CA8: variants seen among roughly 807,000 people sequenced by gnomAD.
CA8 encodes carbonic anhydrase 8 (inactive).
A neutral mutation model predicts 41.4 loss-of-function variants in CA8; 22 were observed. The observed-to-expected ratio is 0.53, with a 90% confidence interval of 0.38 to 0.76. CA8 has a LOEUF of 0.76. CA8 is among the 30% of genes least tolerant of loss of function. The pLI is 0.00. For missense variants in CA8, 270 were observed against 352.8 expected, an observed-to-expected ratio of 0.77 and a Z score of 1.88; for synonymous variants, 121 against 130.6, an observed-to-expected ratio of 0.93 and a Z score of 0.50.
chr8:60,227,034 G>A (rs1807465516), intron 4 of CA8, 99 bp from the exon 5 acceptor site: 5 of 845,784 alleles, frequency 5.9e-6, no homozygotes, highest in Non-Finnish European at 1.0e-5. Context: ...GCTCATGCCT[G>A]TAACCCCAGC....
intron 8 of CA8, among the ~76,000 whole-genome samples, chr8:60,207,202 T>C (rs747217101): frequency 6.6e-6 from 1 of 152,252 alleles, no homozygotes; most frequent in Non-Finnish European, 1.5e-5. Context: ...GCTCCACTGC[T>C]CAATCACTGT....
Position 60,204,474 on chromosome 8 carries a change from A to C in CA8, c.*35+4276T>G, listed in dbSNP as rs73243941. On this transcript the variant is annotated intron_variant, in intron 8 of 8. Coordinates refer to ENST00000317995, the MANE Select transcript of CA8 (RefSeq NM_004056.6). ...AATTATTAACATTTCTAAAACATAA[A>C]AAGGAAGAGATATATTTTAAAGCAC... is the stretch of plus-strand genomic sequence containing the variant. Among the ~76,000 whole-genome samples, 597 of 152,334 alleles carry C rather than the reference A, an allele frequency of 3.9e-3. 5 individuals carry two copies. Among genetic ancestry groups the C allele is most frequent in the African/African-American group, 0.014 (571 of 41,578 alleles).
At chr8:60,279,575 G>T in intron 2 of CA8, 114 bp downstream of exon 2, 1 of 917,220 alleles carries the variant, frequency 1.1e-6, no homozygotes, top group Non-Finnish European at 1.7e-6. Context: ...AAGGTATCCT[G>T]AAAATAGAGA....
intron 2 of CA8, among the ~76,000 whole-genome samples, chr8:60,277,407 G>A (rs1804275987): frequency 1.3e-5 from 2 of 151,980 alleles, no homozygotes. Context: ...AGGCTGGAGA[G>A]CAATGGCGCA....
chr8:60,278,024 G>A (rs1480559590), intron 2 of CA8, among the ~76,000 whole-genome samples: 1 of 152,158 alleles, frequency 6.6e-6, no homozygotes, highest in East Asian at 1.9e-4. Flanking sequence ...GAAGAGAAAA[G>A]CACAAAATGC....
At chr8:60,232,641 C>CT (rs1255839099) in intron 3 of CA8, 3 of 501,768 alleles carry the variant, frequency 6.0e-6, no homozygotes, top group African/African-American at 3.9e-5. Flanking sequence ...ACTGGAGGGA[C>CT]TCACAGACTT....
At chr8:60,272,255 G>A (rs1308036870) in intron 2 of CA8, among the ~76,000 whole-genome samples, 1 of 152,050 alleles carries the variant, frequency 6.6e-6, no homozygotes, top group East Asian at 1.9e-4. Context: ...CACTGACACT[G>A]CAATGCCTGT....
chr8:60,274,520 A>G (rs1489444229), intron 2 of CA8, among the ~76,000 whole-genome samples: 1 of 152,194 alleles, frequency 6.6e-6, no homozygotes, highest in African/African-American at 2.4e-5. Flanking sequence ...TCCAAAATCC[A>G]TGTTGAAACT....
intron 5 of CA8, among the ~76,000 whole-genome samples, chr8:60,225,784 C>T (rs1807418662): frequency 6.6e-6 from 1 of 152,226 alleles, no homozygotes; most frequent in African/African-American, 2.4e-5. Flanking sequence ...CCCAAGGCCA[C>T]TCACATTCAG....
intron 4 of CA8, among the ~76,000 whole-genome samples, chr8:60,231,917 A>G (rs1418599079): frequency 6.6e-6 from 1 of 152,178 alleles, no homozygotes; most frequent in Non-Finnish European, 1.5e-5. Flanking sequence ...AATCTACTAC[A>G]TACTTCTATT....
chr8:60,222,049 A>C (rs897323407), intron 7 of CA8, among the ~76,000 whole-genome samples: 4 of 152,210 alleles, frequency 2.6e-5, no homozygotes, highest in African/African-American at 9.7e-5. Context: ...ATCATGGCTT[A>C]AATACATTCG....
At chr8:60,200,387 A>G (rs1162739506) in intron 8 of CA8, among the ~76,000 whole-genome samples, 1 of 152,234 alleles carries the variant, frequency 6.6e-6, no homozygotes, top group Non-Finnish European at 1.5e-5. Flanking sequence ...ATTACTCCAC[A>G]CTACCATAAT....
rs546162939 is a variant in CA8, at chr8:60,219,929, TA to T, written c.738+2719del. 9.1e-4 allele frequency among the ~76,000 whole-genome samples: 75 copies of T among 82,012 alleles called. 3 individuals are homozygous for T. Among genetic ancestry groups the T allele is most frequent in the African/African-American group, 2.8e-3 (58 of 21,020 alleles). The allele number at this position is 82,012 out of a possible 152,430, so 53.8% of individuals were successfully genotyped here. A position where few individuals can be genotyped will look rare whatever the true frequency, so the allele number is the denominator to read the frequency against. ...CTCTAGTATTTCCTAAATCTTAACT[TA>T]AAAAAAAAAAAAAAAAAAAAAAACA... On this transcript the variant is annotated intron_variant, in intron 7 of 8. Transcript: ENST00000317995.
rs1367978765 is a variant in CA8, at chr8:60,187,148, GA to G, written c.*2872del. Among the ~76,000 whole-genome samples, 2 of 151,744 alleles carry G rather than the reference GA, an allele frequency of 1.3e-5. No homozygotes were observed. The highest frequency in any genetic ancestry group is 2.4e-5 in the African/African-American group (1 of 41,350). The stretch of plus-strand genomic sequence containing the variant: ...TAAAGTATGTTTTCTGATCACAACA[GA>G]AAAAAATTATAAATCAATAACAAAT... On this transcript the variant is annotated 3_prime_UTR_variant, in exon 9 of 9. Transcript: ENST00000317995.
At chr8:60,202,147 C>T (rs892966551) in intron 8 of CA8, among the ~76,000 whole-genome samples, 6 of 151,918 alleles carry the variant, frequency 3.9e-5, no homozygotes, top group African/African-American at 1.4e-4. Context: ...GGGTTCACGC[C>T]ATTTTCCTGC....
chr8:60,238,898 A>T (rs1181754217), intron 3 of CA8, among the ~76,000 whole-genome samples: 3 of 151,976 alleles, frequency 2.0e-5, no homozygotes, highest in Non-Finnish European at 4.4e-5. Context: ...CTGTCCTCCT[A>T]GGCACTGATG....
chr8:60,272,124 G>T (rs1804092637), intron 2 of CA8, among the ~76,000 whole-genome samples: 1 of 152,028 alleles, frequency 6.6e-6, no homozygotes, highest in Non-Finnish European at 1.5e-5. Context: ...CTGAAACCGG[G>T]GGCTCCATCC....
intron 8 of CA8, among the ~76,000 whole-genome samples, chr8:60,199,611 T>C (rs1806367257): frequency 6.6e-6 from 1 of 152,166 alleles, no homozygotes; most frequent in Non-Finnish European, 1.5e-5. Flanking sequence ...AATTAATTTA[T>C]TACCTGGTGC....
chr8:60,204,580 T>C (rs1318872083), intron 8 of CA8, among the ~76,000 whole-genome samples: 1 of 152,250 alleles, frequency 6.6e-6, no homozygotes, highest in African/African-American at 2.4e-5. Context: ...ATAATTTTTA[T>C]ATCACATAAT....
Sources: gnomAD v4.1 joint callset for allele counts (sites outside exome capture counted in the v4.1 genomes callset) on GRCh38, gnomAD v4.1.1 for gene constraint, MANE v1.5 for transcripts, NCBI Gene and HGNC (gene_info 2026-07-23, HGNC 2026-07-21) for gene names.